RHOBTB3: variants seen among roughly 807,000 people sequenced by gnomAD.
RHOBTB3 encodes rho-related BTB domain-containing protein 3.
A neutral mutation model predicts 67.2 loss-of-function variants in RHOBTB3; 47 were observed. The observed-to-expected ratio is 0.70, with a 90% confidence interval of 0.55 to 0.89. The LOEUF (loss-of-function observed/expected upper bound fraction) is 0.89. Among genes scored for constraint, RHOBTB3 ranks in the 40% least tolerant of loss-of-function variants. RHOBTB3 has a pLI of 0.00. For missense variants in RHOBTB3, 631 were observed against 750.0 expected (o/e 0.84, Z 1.85); for synonymous variants, 273 against 274.2 (o/e 1.00, Z 0.04).
chr5:95,776,718 G>T (rs1211467284), intron 8 of RHOBTB3, among the ~76,000 whole-genome samples: 2 of 152,156 alleles, frequency 1.3e-5, no homozygotes, highest in African/African-American at 2.4e-5. Flanking sequence ...TACTATGTAG[G>T]TTTGGCTATG....
At chr5:95,779,247 C>T (rs2112828340) in intron 8 of RHOBTB3, among the ~76,000 whole-genome samples, 1 of 152,314 alleles carries the variant, frequency 6.6e-6, no homozygotes, top group Non-Finnish European at 1.5e-5. Context: ...ACAGCTTTGT[C>T]ACTCACACTG....
chr5:95,773,063 CATT>C (rs1335110175), intron 8 of RHOBTB3, among the ~76,000 whole-genome samples: 2 of 152,182 alleles, frequency 1.3e-5, no homozygotes, highest in Non-Finnish European at 2.9e-5. Flanking sequence ...TGGTATCAAA[CATT>C]ATGTTAGCAT....
In RHOBTB3 at chr5:95,731,638, C is replaced by T; in HGVS notation, c.-45C>T. On this transcript the variant is annotated 5_prime_UTR_variant, in exon 1 of 12. Transcript: ENST00000379982. ...CCGGGGGCCCCGCGAAGCCGTGAGC[C>T]GCTGCTTTTCTCCGAGTCGCCGCCC... 1 of 1,612,200 alleles carries T rather than the reference C, an allele frequency of 6.2e-7. No homozygotes were observed. The highest frequency in any genetic ancestry group is 8.5e-7 in the Non-Finnish European group (1 of 1,179,386).
intron 5 of RHOBTB3, among the ~76,000 whole-genome samples, chr5:95,753,233 ATG>A (rs57615515): frequency 0.13 from 19,532 of 146,292 alleles, 1,731 homozygotes; most frequent in African/African-American, 0.26. Context: ...TGATGTGTGG[ATG>A]TGTGTGTGTG....
intron 2 of RHOBTB3, among the ~76,000 whole-genome samples, chr5:95,735,642 A>G (rs934750250): frequency 6.6e-6 from 1 of 152,160 alleles, no homozygotes; most frequent in Non-Finnish European, 1.5e-5. Context: ...GCTTTATTAC[A>G]TCCTAGAAAT....
chr5:95,783,733 G>A (rs1746136231), intron 9 of RHOBTB3, 64 bp from the exon 10 acceptor site: 2 of 1,368,278 alleles, frequency 1.5e-6, no homozygotes, highest in Non-Finnish European at 1.0e-6. Context: ...TTGGTGGGGG[G>A]TGTTTAGATC....
At chr5:95,776,714 G>A (rs1001316675) in intron 8 of RHOBTB3, among the ~76,000 whole-genome samples, 3 of 152,184 alleles carry the variant, frequency 2.0e-5, no homozygotes, top group Admixed American at 6.5e-5. Context: ...TACTTACTAT[G>A]TAGGTTTGGC....
At chr5:95,735,533 A>G (rs1755434005) in intron 2 of RHOBTB3, among the ~76,000 whole-genome samples, 1 of 152,132 alleles carries the variant, frequency 6.6e-6, no homozygotes, top group Admixed American at 6.6e-5. Flanking sequence ...TGATTCAAAC[A>G]CTGTTAACCC....
intron 9 of RHOBTB3, chr5:95,782,853 C>T (rs1249132172): frequency 6.8e-6 from 1 of 146,012 alleles, no homozygotes; most frequent in Non-Finnish European, 1.5e-5. Flanking sequence ...TGGTAAATTT[C>T]ATGTTATGTT....
intron 6 of RHOBTB3, among the ~76,000 whole-genome samples, chr5:95,760,990 A>T (rs1745377867): frequency 2.0e-5 from 3 of 152,178 alleles, no homozygotes; most frequent in Admixed American, 2.0e-4. Flanking sequence ...AATTAGTCTT[A>T]CTTTCATTTT....
At chr5:95,721,937 C>A (rs757468899) in intron 1 of RHOBTB3, among the ~76,000 whole-genome samples, 1 of 151,982 alleles carries the variant, frequency 6.6e-6, no homozygotes, top group African/African-American at 2.4e-5. Context: ...AAGGAAAAAT[C>A]TCTAAGAAAA....
intron 8 of RHOBTB3, among the ~76,000 whole-genome samples, chr5:95,770,941 A>G (rs1232772978): frequency 2.0e-5 from 3 of 152,176 alleles, no homozygotes; most frequent in Admixed American, 2.0e-4. Context: ...TTTGAAAAAA[A>G]AAAACATTTT....
At chr5:95,722,340 C>T (rs1020374858) in intron 1 of RHOBTB3, among the ~76,000 whole-genome samples, 3 of 152,196 alleles carry the variant, frequency 2.0e-5, no homozygotes, top group South Asian at 2.1e-4. Context: ...AGTATTATAC[C>T]ACTTAACTCT....
At chr5:95,766,260 G>T (rs1360266351) in intron 7 of RHOBTB3, among the ~76,000 whole-genome samples, 1 of 151,736 alleles carries the variant, frequency 6.6e-6, no homozygotes, top group Non-Finnish European at 1.5e-5. Flanking sequence ...TCTTATTACT[G>T]CTGATGTTAT....
rs767234907 is a variant in RHOBTB3 at position 95,752,221 on chromosome 5, A to G, written c.571-18A>G. 2 of 1,419,386 alleles carry G rather than the reference A, an allele frequency of 1.4e-6. No homozygotes were observed. The highest frequency in any genetic ancestry group is 1.9e-6 in the Non-Finnish European group (2 of 1,026,468). 87.9% of individuals were successfully genotyped at this position (1,419,386 alleles called of 1,614,324 possible). On this transcript the variant is annotated intron_variant, in intron 4 of 11. Transcript: ENST00000379982. ...TAGTTTTGTTGGATCTTCAATTAAA[A>G]TTTGATTCCTGTTTTAGTTGGAGTA...
chr5:95,762,874 A>G lies in RHOBTB3; in HGVS notation c.1049-634A>G, dbSNP rs147344608. On this transcript the variant is annotated intron_variant, in intron 6 of 11. Transcript: ENST00000379982. Reference sequence around the variant, plus strand: ...GCAAGACATAGAGGAAAAGAGGCTGACAGAGTGGGAGAAGTGAAATGAGCC... The same window carrying G: ...GCAAGACATAGAGGAAAAGAGGCTGGCAGAGTGGGAGAAGTGAAATGAGCC... 3.2e-3 allele frequency among the ~76,000 whole-genome samples: 480 copies of G among 152,310 alleles called. 2 individuals are homozygous for G. The highest frequency in any genetic ancestry group is 2.2e-3 in the Non-Finnish European group (149 of 68,026).
At chr5:95,758,314 T>G (rs914251521) in intron 6 of RHOBTB3, among the ~76,000 whole-genome samples, 3 of 152,246 alleles carry the variant, frequency 2.0e-5, no homozygotes, top group Admixed American at 6.5e-5. Context: ...TGTTGTAATT[T>G]TTTTATGCAC....
rs114292949 is a variant in RHOBTB3, at chr5:95,785,684, T to G, written c.1623+1721T>G. Reference sequence around the variant, plus strand: ...AAATAGCTCCCCTCTAAATTTAGTTTACAATTTTTAAAATTCTTTCTAGTA... The same window carrying G: ...AAATAGCTCCCCTCTAAATTTAGTTGACAATTTTTAAAATTCTTTCTAGTA... On this transcript the variant is annotated intron_variant, in intron 10 of 11. Coordinates refer to ENST00000379982, the MANE Select transcript of RHOBTB3 (RefSeq NM_014899.4). Among the ~76,000 whole-genome samples the G allele has an allele frequency of 3.2e-3, 483 of 152,352 alleles. 4 individuals are homozygous for G. The highest frequency in any genetic ancestry group is 0.011 in the African/African-American group (448 of 41,586).
upstream of RHOBTB3, among the ~76,000 whole-genome samples, chr5:95,727,918 G>C (rs1755104927): frequency 6.6e-6 from 1 of 152,170 alleles, no homozygotes. Flanking sequence ...AGGCTCTGCT[G>C]TAACTAGTCA....
Sources: allele counts gnomAD v4.1 joint callset (sites outside exome capture counted in the v4.1 genomes callset), GRCh38; gene constraint gnomAD v4.1.1; transcripts MANE v1.5; gene names NCBI Gene and HGNC (gene_info 2026-07-23, HGNC 2026-07-21).